WDR4: variants seen among roughly 807,000 people sequenced by gnomAD.
WDR4 encodes the protein tRNA (guanine-N(7)-)-methyltransferase non-catalytic subunit WDR4.
Under a neutral mutation model 48.6 loss-of-function variants are expected in WDR4, and 47 were observed. The observed-to-expected ratio is 0.97, with a 90% CI of 0.77 to 1.23. The LOEUF (loss-of-function observed/expected upper bound fraction) is 1.23, where lower values mean the gene tolerates loss of function less well. WDR4 is among the 50% of genes most tolerant of loss of function. The probability of loss-of-function intolerance (pLI) is 0.00; values close to 1 mark genes in which losing one functional copy is unlikely to be tolerated. For missense variants in WDR4, 606 were observed against 551.6 expected (o/e 1.10, Z -0.99); for synonymous variants, 268 against 230.0 (o/e 1.17, Z -1.49).
chr21:42,885,368 T>C, the WDR4 span, among the ~76,000 whole-genome samples: 1 of 152,070 alleles, frequency 6.6e-6, no homozygotes. Flanking sequence ...CCTAGCACTT[T>C]GGGAAGCCGA....
chr21:42,891,947 ACT>A, the WDR4 span, among the ~76,000 whole-genome samples: 3 of 146,576 alleles, frequency 2.0e-5, no homozygotes, highest in South Asian at 4.3e-4. Flanking sequence ...ACAGAGCAAG[ACT>A]CTGTCTCAAA....
chr21:42,880,368 T>C (rs190017369), upstream of WDR4, among the ~76,000 whole-genome samples: 2 of 152,308 alleles, frequency 1.3e-5, no homozygotes, highest in Admixed American at 6.5e-5. Flanking sequence ...ATCTAGGATC[T>C]CACGGTCTGT....
At chr21:42,869,686 A>G (rs1428592187) in intron 3 of WDR4, among the ~76,000 whole-genome samples, 3 of 152,200 alleles carry the variant, frequency 2.0e-5, no homozygotes, top group East Asian at 1.9e-4. Flanking sequence ...AAAGTTTACA[A>G]AACACAAATG....
Position 42,853,761 on chromosome 21 carries a change from G to A in WDR4, c.792-9C>T, listed in dbSNP as rs199715637. 776 of 1,547,938 alleles carry A rather than the reference G, an allele frequency of 5.0e-4. 5 individuals are homozygous for A. The African/African-American group carries it at 8.8e-3, about 18-fold the overall frequency. The stretch of plus-strand genomic sequence containing the variant: ...TGTAGACCACAGGAGTGCTTGCCAC[G>A]AAGAAAGAGAGCATGATTACTAGGA... On this transcript the variant is annotated splice_polypyrimidine_tract_variant and intron_variant, in intron 8 of 10. Transcript: ENST00000398208.
chr21:42,880,229 C>A (rs542934590), upstream of WDR4, among the ~76,000 whole-genome samples: 7 of 152,090 alleles, frequency 4.6e-5, no homozygotes, highest in South Asian at 1.5e-3. Context: ...AATCTTTGCA[C>A]TTAGACAAGC....
At chr21:42,857,187 G>A (rs992291040) in intron 6 of WDR4, among the ~76,000 whole-genome samples, 1 of 152,004 alleles carries the variant, frequency 6.6e-6, no homozygotes, top group Non-Finnish European at 1.5e-5. Flanking sequence ...CTGGGGAAAC[G>A]GAGCCGAGGG....
chr21:42,859,596 C>G lies in WDR4; in HGVS notation c.627+66G>C, dbSNP rs377664111. 1.2e-4 allele frequency: 57 copies of G among 467,786 alleles called. 2 individuals carry two copies. The highest frequency in any genetic ancestry group is 2.0e-4 in the Non-Finnish European group (50 of 254,696). 29.0% of individuals were successfully genotyped at this position (467,786 alleles called of 1,614,324 possible). A position where few individuals can be genotyped will look rare whatever the true frequency, so the allele number is the denominator to read the frequency against. ...ATCCACAGGGGCCAGGTCCAGGAGGCGCCCACCCCACCCTCCCTGCAGGCT... is the reference window on the plus strand; with the variant it reads ...ATCCACAGGGGCCAGGTCCAGGAGGGGCCCACCCCACCCTCCCTGCAGGCT... On this transcript the variant is annotated intron_variant, in intron 6 of 10. Coordinates refer to ENST00000398208, the MANE Select transcript of WDR4 (RefSeq NM_018669.6).
chr21:42,843,994 G>A (rs1189620083), intron 11 of WDR4, among the ~76,000 whole-genome samples: 3 of 152,182 alleles, frequency 2.0e-5, no homozygotes, highest in Non-Finnish European at 4.4e-5. Context: ...CTAGCTGGAA[G>A]ACATTTTTTT....
the WDR4 span, among the ~76,000 whole-genome samples, chr21:42,888,673 A>G: frequency 6.6e-6 from 1 of 151,784 alleles, no homozygotes; most frequent in African/African-American, 2.4e-5. Context: ...TGAGCTCACA[A>G]TAAATATACA....
intron 3 of WDR4, among the ~76,000 whole-genome samples, chr21:42,868,025 C>G (rs1001729519): frequency 6.6e-6 from 1 of 152,190 alleles, no homozygotes; most frequent in Non-Finnish European, 1.5e-5. Context: ...TCTGCATCCA[C>G]CACGAGTCCC....
chr21:42,846,523 C>T (rs964171727), downstream of WDR4, among the ~76,000 whole-genome samples: 3 of 152,166 alleles, frequency 2.0e-5, no homozygotes, highest in Admixed American at 6.5e-5. Flanking sequence ...ATGCACTTCT[C>T]GGATGTACAG....
intron 10 of WDR4, among the ~76,000 whole-genome samples, chr21:42,850,940 C>T (rs543154044): frequency 6.6e-6 from 1 of 152,310 alleles, no homozygotes; most frequent in Non-Finnish European, 1.5e-5. Flanking sequence ...CGCGCACCAG[C>T]GACTGCCTGA....
intron 6 of WDR4, 43 bp downstream of exon 6, chr21:42,859,619 G>T: frequency 3.3e-6 from 2 of 608,958 alleles, no homozygotes; most frequent in Non-Finnish European, 5.4e-6. Context: ...CTCCCTGCAG[G>T]CTCAAGAATC....
At chr21:42,866,744 C>T (rs73233305) in intron 3 of WDR4, among the ~76,000 whole-genome samples, 6,357 of 152,152 alleles carry the variant, frequency 0.042, 193 homozygotes, top group Non-Finnish European at 0.064. Context: ...CCACAATAAT[C>T]CCCTCCAATT....
At chr21:42,878,853 G>T in intron 1 of WDR4, 1 of 669,680 alleles carries the variant, frequency 1.5e-6, no homozygotes, top group Non-Finnish European at 1.8e-6. Context: ...AAGTGTCGGA[G>T]ATGACTTGGA....
intron 8 of WDR4, 63 bp downstream of exon 8, chr21:42,854,499 C>A: frequency 1.3e-6 from 2 of 1,551,148 alleles, no homozygotes; most frequent in Admixed American, 2.0e-5. Flanking sequence ...GTGGCCAACC[C>A]GCTAACTCTT....
intron 2 of WDR4, among the ~76,000 whole-genome samples, chr21:42,874,073 T>C (rs538377222): frequency 6.6e-6 from 1 of 152,174 alleles, no homozygotes; most frequent in Admixed American, 6.5e-5. Flanking sequence ...CTCAGCACTT[T>C]GGTGTTGCGA....
At chr21:42,864,273 A>G (rs1291455812) in intron 3 of WDR4, among the ~76,000 whole-genome samples, 1 of 151,864 alleles carries the variant, frequency 6.6e-6, no homozygotes, top group African/African-American at 2.4e-5. Context: ...TTCATCATGC[A>G]TTGAGGGAGA....
At chr21:42,871,787 T>C (rs923015624) in intron 3 of WDR4, among the ~76,000 whole-genome samples, 23 of 152,342 alleles carry the variant, frequency 1.5e-4, no homozygotes, top group African/African-American at 3.6e-4. Context: ...TTTTAAACCA[T>C]GTGCATCTAT....
Sources: allele counts gnomAD v4.1 joint callset (sites outside exome capture counted in the v4.1 genomes callset), GRCh38; gene constraint gnomAD v4.1.1; transcripts MANE v1.5; gene names NCBI Gene and HGNC (gene_info 2026-07-23, HGNC 2026-07-21).